Variants in BTBD16 observed in about 807,000 individuals in gnomAD.
The protein encoded by BTBD16 is BTB/POZ domain-containing protein 16.
BTBD16 carries 66 observed loss-of-function variants against 67.4 expected under a neutral mutation model. That is an observed-to-expected ratio of 0.98 (90% CI 0.80 to 1.20). BTBD16 has a LOEUF of 1.20. BTBD16 is among the 50% of genes most tolerant of loss of function. The pLI, the probability that BTBD16 is intolerant of heterozygous loss-of-function variation, is 0.00. For synonymous variants in BTBD16, 242 were observed against 236.4 expected, an observed-to-expected ratio of 1.02 and a Z score of -0.22; for missense variants, 634 against 616.0, an observed-to-expected ratio of 1.03 and a Z score of -0.31.
intron 10 of BTBD16, chr10:122,327,697 A>G: frequency 1.0e-6 from 1 of 962,994 alleles, no homozygotes; most frequent in Non-Finnish European, 1.2e-6. Flanking sequence ...CTGTCTCAAC[A>G]AAGCTGTTTC....
intron 7 of BTBD16, among the ~76,000 whole-genome samples, chr10:122,293,471 G>C (rs1288797530): frequency 6.6e-6 from 1 of 152,198 alleles, no homozygotes; most frequent in Non-Finnish European, 1.5e-5. Context: ...ATTGAAGAGG[G>C]CCTGGAGTCT....
At position 122,321,700 on chromosome 10, in the gene BTBD16, G is replaced by A. The variant is rs557454629; in HGVS notation, c.912-7780G>A. ...CGTGTACTTTTTCTACTTTTTAATG[G>A]AGTTGTTTTTTGCTTGTTGATTTGT... On this transcript the variant is annotated intron_variant, in intron 10 of 15. Transcript: ENST00000260723. Among the ~76,000 whole-genome samples, 11 of 152,242 alleles carry A rather than the reference G, an allele frequency of 7.2e-5. No homozygotes were observed. In the South Asian group the frequency reaches 2.3e-3, roughly 32 times the overall value.
intron 10 of BTBD16, among the ~76,000 whole-genome samples, chr10:122,307,760 C>T (rs951694555): frequency 8.5e-5 from 13 of 152,144 alleles, no homozygotes; most frequent in Admixed American, 2.0e-4. Context: ...CCAAGCATGA[C>T]GAGGCGAGTT....
intron 15 of BTBD16, among the ~76,000 whole-genome samples, chr10:122,337,313 T>C (rs899466914): frequency 6.6e-6 from 1 of 152,248 alleles, no homozygotes; most frequent in African/African-American, 2.4e-5. Flanking sequence ...ATCAGTATTT[T>C]TAAAAGCTTC....
chr10:122,301,421 G>A (rs1023441521), intron 9 of BTBD16, among the ~76,000 whole-genome samples: 3 of 152,058 alleles, frequency 2.0e-5, no homozygotes, highest in Non-Finnish European at 2.9e-5. Context: ...CTGCTCCTCC[G>A]GCCCCTCCCC....
intron 3 of BTBD16, among the ~76,000 whole-genome samples, chr10:122,277,607 C>T (rs1405802762): frequency 1.3e-5 from 2 of 151,970 alleles, no homozygotes; most frequent in South Asian, 2.1e-4. Context: ...AAAGAGGAGC[C>T]GAGTGTGCAG....
At chr10:122,293,298 T>G (rs1008721224) in intron 7 of BTBD16, among the ~76,000 whole-genome samples, 1 of 152,210 alleles carries the variant, frequency 6.6e-6, no homozygotes, top group African/African-American at 2.4e-5. Flanking sequence ...TTTCAATTCA[T>G]TTTTTGTAGA....
At chr10:122,276,716 A>G (rs1285511381) in intron 2 of BTBD16, 75 bp from the exon 3 acceptor site, 45 of 1,569,978 alleles carry the variant, frequency 2.9e-5, no homozygotes, top group Non-Finnish European at 1.7e-6. Context: ...CCTTCTTGCT[A>G]TACAATTTGG....
intron 6 of BTBD16, among the ~76,000 whole-genome samples, chr10:122,290,253 C>A (rs760837710): frequency 6.6e-6 from 1 of 152,066 alleles, no homozygotes; most frequent in Non-Finnish European, 1.5e-5. Context: ...ATGCAGAGAC[C>A]GGGAGAAGAC....
At chr10:122,332,826 G>A in intron 13 of BTBD16, 1 of 985,396 alleles carries the variant, frequency 1.0e-6, no homozygotes, top group Middle Eastern at 5.2e-4. Flanking sequence ...AGGCAAACTG[G>A]GAAGGGTTGG....
At chr10:122,308,840 C>A (rs192538915) in intron 10 of BTBD16, among the ~76,000 whole-genome samples, 1 of 152,240 alleles carries the variant, frequency 6.6e-6, no homozygotes, top group East Asian at 1.9e-4. Flanking sequence ...TGTCATTGGC[C>A]TCCATCTCCC....
intron 7 of BTBD16, chr10:122,294,046 C>A: frequency 1.2e-6 from 1 of 833,220 alleles, no homozygotes. Context: ...TTTCATTCCA[C>A]TGATGAGCAA....
chr10:122,295,515 G>A (rs1223513428), intron 7 of BTBD16: 7 of 985,294 alleles, frequency 7.1e-6, no homozygotes, highest in African/African-American at 5.2e-5. Context: ...TTTAGGCTGA[G>A]CCCCTCCTGT....
chr10:122,316,759 G>A (rs967128478), intron 10 of BTBD16, among the ~76,000 whole-genome samples: 16 of 151,980 alleles, frequency 1.1e-4, no homozygotes, highest in African/African-American at 3.9e-4. Flanking sequence ...TGAATGTTAA[G>A]GCCTAGGACG....
chr10:122,284,171 G>A (rs1024558649), intron 4 of BTBD16, among the ~76,000 whole-genome samples: 21 of 152,178 alleles, frequency 1.4e-4, no homozygotes, highest in African/African-American at 4.6e-4. Flanking sequence ...CAAATGTGTT[G>A]ATGTCAATAA....
At chr10:122,275,239 C>A in intron 2 of BTBD16, 140 bp downstream of exon 2, 1 of 814,856 alleles carries the variant, frequency 1.2e-6, no homozygotes, top group South Asian at 1.5e-5. Context: ...CTGGAAAGAG[C>A]GCGTCCAGGC....
intron 3 of BTBD16, among the ~76,000 whole-genome samples, chr10:122,281,458 G>C (rs1252536687): frequency 6.6e-6 from 1 of 151,722 alleles, no homozygotes; most frequent in East Asian, 2.0e-4. Flanking sequence ...GCTATTCACA[G>C]GCATGATCAC....
At chr10:122,286,726 C>A (rs1450605715) in intron 5 of BTBD16, among the ~76,000 whole-genome samples, 1 of 152,090 alleles carries the variant, frequency 6.6e-6, no homozygotes. Flanking sequence ...TTGTTGTTGT[C>A]TTTGCTTTTC....
At chr10:122,279,795 T>C (rs1371283132) in intron 3 of BTBD16, among the ~76,000 whole-genome samples, 2 of 152,178 alleles carry the variant, frequency 1.3e-5, no homozygotes, top group Non-Finnish European at 2.9e-5. Flanking sequence ...TGTGTTCATG[T>C]CATGGATGGT....
Sources: gnomAD v4.1 joint callset for allele counts (sites outside exome capture counted in the v4.1 genomes callset) on GRCh38, gnomAD v4.1.1 for gene constraint, MANE v1.5 for transcripts, NCBI Gene and HGNC (gene_info 2026-07-23, HGNC 2026-07-21) for gene names.